The following STPG2 variants were observed in gnomAD, a reference collection of about 807,000 sequenced individuals.
STPG2 encodes the protein sperm-tail PG-rich repeat-containing protein 2.
STPG2 carries 56 observed loss-of-function variants against 54.2 expected under a neutral mutation model. The observed-to-expected ratio is 1.03, with a 90% CI of 0.83 to 1.29. The LOEUF is 1.29. STPG2 is among the 50% of genes most tolerant of loss of function. The pLI is 0.00. For synonymous variants in STPG2, 200 were observed against 181.8 expected (o/e 1.10, Z -0.81); for missense variants, 596 against 544.9 (o/e 1.09, Z -0.93).
intron 10 of STPG2, among the ~76,000 whole-genome samples, chr4:97,561,480 T>C (rs1013275678): frequency 6.6e-6 from 1 of 152,224 alleles, no homozygotes; most frequent in African/African-American, 2.4e-5. Flanking sequence ...TTTTGGCTTT[T>C]GTTGCCACTG....
In STPG2 at chr4:97,516,849, A is replaced by AATATAT. The variant is rs61425012; in HGVS notation, c.462+195844_462+195849dup. 4.2e-3 allele frequency among the ~76,000 whole-genome samples: 623 copies of AATATAT among 149,124 alleles called. 2 individuals carry two copies. The highest frequency in any genetic ancestry group is 0.021 in the South Asian group (96 of 4,656). On this transcript the variant is annotated intron_variant, in intron 4 of 4. Transcript: ENST00000522676. ...AAGACTCCATCTCAACAACAACAAC[A>AATATAT]ATATATATATATATATGGTCTGGCC...
At chr4:98,055,540 T>C (rs1394041459) in intron 5 of STPG2, among the ~76,000 whole-genome samples, 1 of 152,084 alleles carries the variant, frequency 6.6e-6, no homozygotes, top group Non-Finnish European at 1.5e-5. Flanking sequence ...ACCATGGGCC[T>C]TTGAAACCAT....
At chr4:97,905,600 A>C (rs1731379034) in intron 8 of STPG2, among the ~76,000 whole-genome samples, 1 of 152,178 alleles carries the variant, frequency 6.6e-6, no homozygotes, top group Admixed American at 6.5e-5. Context: ...AAATTCACAC[A>C]TAACAATATT....
chr4:97,634,135 C>T (rs533183928), intron 10 of STPG2, among the ~76,000 whole-genome samples: 1 of 152,332 alleles, frequency 6.6e-6, no homozygotes, highest in African/African-American at 2.4e-5. Flanking sequence ...CAGTACACAG[C>T]TGGAGATCTG....
At chr4:97,946,744 T>G (rs1411917134) in intron 7 of STPG2, among the ~76,000 whole-genome samples, 1 of 152,174 alleles carries the variant, frequency 6.6e-6, no homozygotes, top group Non-Finnish European at 1.5e-5. Flanking sequence ...TCTGATCCAT[T>G]GATCTATATG....
At chr4:97,513,899 A>T (rs1440056152) in intron 4 of STPG2, among the ~76,000 whole-genome samples, 1 of 152,160 alleles carries the variant, frequency 6.6e-6, no homozygotes. Flanking sequence ...GGCCAAAATG[A>T]GTCCCCAAAA....
chr4:97,612,893 T>C (rs901506436), intron 10 of STPG2, among the ~76,000 whole-genome samples: 1 of 152,034 alleles, frequency 6.6e-6, no homozygotes, highest in African/African-American at 2.4e-5. Context: ...CAACTATTTA[T>C]ATAATGATAA....
chr4:97,784,068 TAA>T (rs554533523), intron 9 of STPG2, among the ~76,000 whole-genome samples: 25 of 120,396 alleles, frequency 2.1e-4, no homozygotes, highest in African/African-American at 6.7e-4. Context: ...AAAGTATAAT[TAA>T]AAAAAAAAAA....
intron 4 of STPG2, among the ~76,000 whole-genome samples, chr4:97,501,871 A>C (rs1560634975): frequency 2.0e-5 from 3 of 152,076 alleles, no homozygotes; most frequent in African/African-American, 4.8e-5. Context: ...GATGAGATGA[A>C]AGAGAACAAA....
At chr4:97,936,335 CG>C (rs1732744739) in intron 8 of STPG2, among the ~76,000 whole-genome samples, 1 of 151,992 alleles carries the variant, frequency 6.6e-6, no homozygotes, top group African/African-American at 2.4e-5. Context: ...ATCCAATTTG[CG>C]GGTCTGTGCT....
chr4:97,708,947 T>C (rs1271141842), intron 10 of STPG2, among the ~76,000 whole-genome samples: 2 of 151,848 alleles, frequency 1.3e-5, no homozygotes, highest in Admixed American at 6.6e-5. Context: ...CATAAAAATA[T>C]ATCTTTGTTA....
intron 8 of STPG2, among the ~76,000 whole-genome samples, chr4:97,929,037 C>T (rs1732441016): frequency 6.6e-6 from 1 of 152,104 alleles, no homozygotes; most frequent in South Asian, 2.1e-4. Flanking sequence ...CTTCTCCCAC[C>T]CTCCACCCTC....
intron 9 of STPG2, among the ~76,000 whole-genome samples, chr4:97,783,697 T>C (rs1409302160): frequency 2.0e-5 from 3 of 151,458 alleles, no homozygotes; most frequent in African/African-American, 7.3e-5. Flanking sequence ...AGTGATAGAC[T>C]GGATTAAGAA....
At chr4:97,971,507 A>G (rs560880862) in intron 7 of STPG2, among the ~76,000 whole-genome samples, 35 of 152,278 alleles carry the variant, frequency 2.3e-4, no homozygotes, top group African/African-American at 7.7e-4. Context: ...TTATATGGAT[A>G]TGAAGCTGAA....
intron 10 of STPG2, among the ~76,000 whole-genome samples, chr4:97,701,275 T>C (rs541653677): frequency 7.2e-5 from 11 of 152,222 alleles, no homozygotes; most frequent in Admixed American, 1.3e-4. Context: ...GACCACAAGA[T>C]GAGTCCAGGG....
intron 7 of STPG2, 68 bp from the exon 8 acceptor site, chr4:97,944,075 A>T: frequency 1.0e-6 from 1 of 1,003,340 alleles, no homozygotes; most frequent in Non-Finnish European, 1.5e-6. Context: ...ACTATAAATA[A>T]TAAGTTTGCA....
At chr4:98,108,889 G>A (rs1391478694) in intron 4 of STPG2, among the ~76,000 whole-genome samples, 2 of 151,968 alleles carry the variant, frequency 1.3e-5, no homozygotes, top group Non-Finnish European at 2.9e-5. Context: ...GGGGGATGGG[G>A]GGCTAGGGGA....
At chr4:97,904,316 G>T (rs1343083088) in intron 8 of STPG2, among the ~76,000 whole-genome samples, 1 of 152,174 alleles carries the variant, frequency 6.6e-6, no homozygotes, top group Non-Finnish European at 1.5e-5. Flanking sequence ...AGCCTAACTG[G>T]GAGGCACCCC....
chr4:97,553,426 CTG>C (rs1732009919), intron 4 of STPG2, among the ~76,000 whole-genome samples: 1 of 152,072 alleles, frequency 6.6e-6, no homozygotes, highest in South Asian at 2.1e-4. Context: ...TCCTGTGAAA[CTG>C]AGATATAAGT....
Sources: gnomAD v4.1 joint callset for allele counts (sites outside exome capture counted in the v4.1 genomes callset) on GRCh38, gnomAD v4.1.1 for gene constraint, MANE v1.5 for transcripts, NCBI Gene and HGNC (gene_info 2026-07-23, HGNC 2026-07-21) for gene names.